Variants in COPS5 observed in about 807,000 individuals in gnomAD.
COPS5 encodes COP9 signalosome complex subunit 5.
COPS5 carries 8 observed loss-of-function variants against 44.4 expected under a neutral mutation model. The observed-to-expected ratio is 0.18, with a 90% CI of 0.11 to 0.32. COPS5 has a LOEUF of 0.32. Among genes scored for constraint, COPS5 ranks in the 10% least tolerant of loss-of-function variants. The probability of loss-of-function intolerance (pLI) is 1.00; values close to 1 mark genes in which losing one functional copy is unlikely to be tolerated. For synonymous variants in COPS5, 122 were observed against 142.8 expected, an observed-to-expected ratio of 0.85 and a Z score of 1.04; for missense variants, 159 against 406.4, an observed-to-expected ratio of 0.39 and a Z score of 5.23.
rs1404129423 is a variant in COPS5 at position 67,062,087 on chromosome 8, C to T, written c.-91G>A. ...GGGTGTGGGCCTTGACCCTCCGCACCACGGGAACAAACTCTTACCTAGACT... is the reference window on the plus strand; with the variant it reads ...GGGTGTGGGCCTTGACCCTCCGCACTACGGGAACAAACTCTTACCTAGACT... On this transcript the variant is annotated 5_prime_UTR_variant, in exon 1 of 8. Coordinates refer to ENST00000357849, the MANE Select transcript of COPS5 (RefSeq NM_006837.3). 6 of 1,592,034 alleles carry T rather than the reference C, an allele frequency of 3.8e-6. No homozygotes were observed. Among genetic ancestry groups the T allele is most frequent in the Non-Finnish European group, 5.1e-6 (6 of 1,171,440 alleles).
intron 1 of COPS5, chr8:67,059,956 G>A (rs1804561659): frequency 6.0e-6 from 1 of 165,902 alleles, no homozygotes; most frequent in Non-Finnish European, 1.3e-5. Context: ...ATTCATAATT[G>A]TTGTTAGGAT....
chr8:67,045,784 A>C, intron 7 of COPS5, 28 bp downstream of exon 7: 1 of 1,612,492 alleles, frequency 6.2e-7, no homozygotes, highest in Non-Finnish European at 8.5e-7. Flanking sequence ...AGTTAGGGGC[A>C]ACAGGAATCT....
chr8:67,060,812 C>T (rs1209071252), intron 1 of COPS5: 1 of 228,320 alleles, frequency 4.4e-6, no homozygotes. Flanking sequence ...AACGTATTTG[C>T]TTGTTTTTTA....
chr8:67,045,821 G>C lies in COPS5; in HGVS notation c.911C>G (p.Thr304Arg). ...RKSEDKLAKA[T>R]RDSCKTTIEA... ...ATAGATTTACTCTTACCTGTCTCTT[G>C]TAGCTTTGGCAAGTTTGTCTTCTGA... Residue 304 changes from threonine to arginine, a missense_variant, in exon 7 of 8, where the codon ACA becomes AGA. By Grantham distance (71) the Thr-to-Arg change is moderately conservative. Transcript: ENST00000357849. 6.2e-7 allele frequency: 1 copy of C among 1,614,158 alleles called. No individual in the cohort carries two copies. Among genetic ancestry groups the C allele is most frequent in the Non-Finnish European group, 8.5e-7 (1 of 1,180,024 alleles).
chr8:67,051,365 T>C, intron 5 of COPS5, 24 bp from the exon 6 acceptor site: 1 of 1,412,180 alleles, frequency 7.1e-7, no homozygotes, highest in Non-Finnish European at 9.8e-7. Flanking sequence ...GCATAAAATT[T>C]AGTAAGTAAA....
At chr8:67,051,104 C>A (rs533175076) in intron 6 of COPS5, 126 bp downstream of exon 6, 114 of 658,994 alleles carry the variant, frequency 1.7e-4, no homozygotes, top group Non-Finnish European at 2.5e-4. Flanking sequence ...GGTGCAGAAT[C>A]CCACCCTAGC....
chr8:67,050,881 G>A (rs1037915349), intron 6 of COPS5, among the ~76,000 whole-genome samples: 8 of 151,998 alleles, frequency 5.3e-5, no homozygotes, highest in Non-Finnish European at 1.2e-4. Flanking sequence ...GTTTAAGCTC[G>A]TTTCATTAGG....
intron 1 of COPS5, chr8:67,061,601 T>C: frequency 2.0e-6 from 1 of 507,132 alleles, no homozygotes; most frequent in Non-Finnish European, 3.6e-6. Context: ...ATACGGATGT[T>C]CAGAAGTGAC....
At chr8:67,053,650 G>C (rs1048852018) in intron 5 of COPS5, among the ~76,000 whole-genome samples, 6 of 150,992 alleles carry the variant, frequency 4.0e-5, no homozygotes, top group African/African-American at 1.5e-4. Flanking sequence ...GCAGTGAGCC[G>C]AGATGGCACC....
At chr8:67,046,824 C>CAAAAAAAAAAAA (rs771868140) in intron 6 of COPS5, among the ~76,000 whole-genome samples, 2 of 43,722 alleles carry the variant, frequency 4.6e-5, no homozygotes, top group Non-Finnish European at 8.2e-5. Context: ...ACTCTGTCTC[C>CAAAAAAAAAAAA]AAAAAAAAAA....
At chr8:67,058,659 T>G (rs1804545144) in intron 2 of COPS5, among the ~76,000 whole-genome samples, 1 of 152,100 alleles carries the variant, frequency 6.6e-6, no homozygotes, top group South Asian at 2.1e-4. Context: ...ATTTTTTATT[T>G]TAAACACGTA....
chr8:67,059,059 T>A, intron 2 of COPS5, 152 bp downstream of exon 2: 1 of 585,438 alleles, frequency 1.7e-6, no homozygotes, highest in South Asian at 2.4e-5. Flanking sequence ...ATAAGTCTTA[T>A]CAGGCTTTTA....
chr8:67,055,127 C>T (rs1804484038), intron 5 of COPS5, among the ~76,000 whole-genome samples: 1 of 152,176 alleles, frequency 6.6e-6, no homozygotes, highest in Admixed American at 6.5e-5. Context: ...GTGCTCTGAG[C>T]CATGAGCCTG....
At chr8:67,053,936 G>A (rs1585712992) in intron 5 of COPS5, among the ~76,000 whole-genome samples, 1 of 149,682 alleles carries the variant, frequency 6.7e-6, no homozygotes, top group East Asian at 2.0e-4. Flanking sequence ...AACCTGGGAG[G>A]CAGAGCTTGC....
chr8:67,058,008 A>T (rs6997490), intron 3 of COPS5, 75 bp downstream of exon 3: 1 of 1,488,914 alleles, frequency 6.7e-7, no homozygotes, highest in Non-Finnish European at 9.3e-7. Context: ...TTACTACACT[A>T]TTCTTATTTC....
At position 67,059,715 on chromosome 8, in the gene COPS5, T is replaced by C. The variant is rs1804558636; in HGVS notation, c.144-270A>G. The C allele has an allele frequency of 1.1e-5, 4 of 358,726 alleles. No homozygotes were observed. The Admixed American group carries it at 1.7e-4, about 15-fold the overall frequency. The allele number at this position is 358,726 out of a possible 1,614,324, so 22.2% of individuals were successfully genotyped here. ...TCAAATAAGGGAGTAACATGACCAG[T>C]TCAACAGACTTTTTCTCCATTAATT... On this transcript the variant is annotated intron_variant, in intron 1 of 7. Coordinates refer to ENST00000357849, the MANE Select transcript of COPS5 (RefSeq NM_006837.3).
At chr8:67,056,409 A>G (rs758975908) in intron 5 of COPS5, 110 bp downstream of exon 5, 10 of 368,754 alleles carry the variant, frequency 2.7e-5, no homozygotes, top group Non-Finnish European at 4.7e-5. Context: ...TGCCCAGGCT[A>G]GTGTCGAATT....
chr8:67,058,254 T>C lies in COPS5; in HGVS notation c.379-43A>G, dbSNP rs202158923. On this transcript the variant is annotated intron_variant, in intron 2 of 7. Coordinates refer to ENST00000357849, the MANE Select transcript of COPS5 (RefSeq NM_006837.3). The stretch of plus-strand genomic sequence containing the variant: ...AAAAAAGTTTAAGATTACTCTTTAA[T>C]TAATTTACAAGGTACCAGTACAATA... The C allele has an allele frequency of 1.2e-4, 199 of 1,600,630 alleles. 1 individual carries two copies. Among genetic ancestry groups the C allele is most frequent in the Admixed American group, 7.2e-4 (43 of 59,618 alleles).
chr8:67,055,986 CT>C (rs1240210742), intron 5 of COPS5, among the ~76,000 whole-genome samples: 7 of 151,958 alleles, frequency 4.6e-5, no homozygotes, highest in Non-Finnish European at 1.0e-4. Flanking sequence ...TAGAAAGAAT[CT>C]TTGTTCAGTA....
Sources: gnomAD v4.1 joint callset for allele counts (sites outside exome capture counted in the v4.1 genomes callset) on GRCh38, gnomAD v4.1.1 for gene constraint, MANE v1.5 for transcripts, NCBI Gene and HGNC (gene_info 2026-07-23, HGNC 2026-07-21) for gene names.